The following SNTB2 variants were observed in gnomAD, a reference collection of about 807,000 sequenced individuals.
SNTB2 encodes syntrophin beta 2.
SNTB2 carries 34 observed loss-of-function variants against 46.2 expected under a neutral mutation model. The ratio of observed to expected loss-of-function variants is 0.74; its 90% CI spans 0.56 to 0.98. SNTB2 has a LOEUF of 0.98. Ranked by LOEUF, SNTB2 falls within the 50% of genes least tolerant of loss-of-function variation. The pLI is 0.00. For synonymous variants in SNTB2, 290 were observed against 312.6 expected (o/e 0.93, Z 0.76); for missense variants, 603 against 731.4 (o/e 0.82, Z 2.02).
chr16:69,300,915 G>A lies in SNTB2; in HGVS notation c.1614G>A (p.Leu538=), dbSNP rs372645049. ...FLSAKVTRMG[L]LV Reference sequence around the variant, plus strand: ...CGGCCAAAGTCACTCGTATGGGACTGCTTGTATGAGCAACAAAAAATCAGA... The same window carrying A: ...CGGCCAAAGTCACTCGTATGGGACTACTTGTATGAGCAACAAAAAATCAGA... Residue 538 remains leucine, a synonymous_variant, in exon 7 of 7, where the codon CTG becomes CTA. Coordinates refer to ENST00000336278, the MANE Select transcript of SNTB2 (RefSeq NM_006750.4). 9.4e-6 allele frequency: 15 copies of A among 1,602,546 alleles called. No homozygotes were observed. In the African/African-American group the frequency reaches 1.7e-4, roughly 19 times the overall value.
chr16:69,253,639 ACT>A (rs1371554390), intron 2 of SNTB2, among the ~76,000 whole-genome samples: 1 of 152,254 alleles, frequency 6.6e-6, no homozygotes, highest in East Asian at 1.9e-4. Flanking sequence ...ACAGAGCAAG[ACT>A]CTGTCTCAAA....
intron 4 of SNTB2, among the ~76,000 whole-genome samples, chr16:69,278,045 G>A (rs1385973442): frequency 6.6e-6 from 1 of 152,158 alleles, no homozygotes; most frequent in East Asian, 1.9e-4. Context: ...AGCCAGGCAC[G>A]GCGGCACGCG....
intron 4 of SNTB2, among the ~76,000 whole-genome samples, chr16:69,278,036 G>T (rs1567412965): frequency 6.6e-6 from 1 of 152,302 alleles, no homozygotes; most frequent in East Asian, 1.9e-4. Flanking sequence ...ACAAAAATGA[G>T]CCAGGCACGG....
At chr16:69,296,049 G>A (rs1221826734) in intron 5 of SNTB2, among the ~76,000 whole-genome samples, 1 of 152,170 alleles carries the variant, frequency 6.6e-6, no homozygotes, top group Non-Finnish European at 1.5e-5. Flanking sequence ...GGAGGCCGAG[G>A]CGGGTGGATC....
chr16:69,214,301 T>C (rs1344970895), intron 1 of SNTB2, among the ~76,000 whole-genome samples: 1 of 149,994 alleles, frequency 6.7e-6, no homozygotes, highest in Non-Finnish European at 1.5e-5. Context: ...TGGCTAATTT[T>C]TTTGTATTTT....
intron 1 of SNTB2, 110 bp from the exon 2 acceptor site, chr16:69,245,492 G>T: frequency 8.9e-7 from 1 of 1,124,222 alleles, no homozygotes; most frequent in Non-Finnish European, 1.3e-6. Context: ...ACCGCGCCCA[G>T]CTCTTTCCTC....
intron 1 of SNTB2, among the ~76,000 whole-genome samples, chr16:69,209,091 C>T (rs1964253498): frequency 6.6e-6 from 1 of 152,054 alleles, no homozygotes; most frequent in Non-Finnish European, 1.5e-5. Context: ...CATTCTCCTG[C>T]CTCCTGAGTA....
chr16:69,289,997 G>T (rs1447581988), intron 5 of SNTB2, among the ~76,000 whole-genome samples: 2 of 152,208 alleles, frequency 1.3e-5, no homozygotes, highest in African/African-American at 4.8e-5. Context: ...AATCAGTTAA[G>T]CTGTTCCTTG....
chr16:69,219,067 T>C (rs555385021), intron 1 of SNTB2, among the ~76,000 whole-genome samples: 1 of 152,270 alleles, frequency 6.6e-6, no homozygotes, highest in South Asian at 2.1e-4. Flanking sequence ...TTTAACTTTA[T>C]GGTGAAGATA....
intron 2 of SNTB2, among the ~76,000 whole-genome samples, chr16:69,247,109 A>T (rs1964678264): frequency 6.6e-6 from 1 of 151,298 alleles, no homozygotes; most frequent in African/African-American, 2.4e-5. Flanking sequence ...TAAATTTTTA[A>T]ATATCTCCTT....
intron 5 of SNTB2, among the ~76,000 whole-genome samples, chr16:69,287,010 T>C (rs1048732029): frequency 4.6e-5 from 7 of 152,296 alleles, no homozygotes; most frequent in Middle Eastern, 3.4e-3. Context: ...AGTTTATGGC[T>C]ATGGAAAAAT....
chr16:69,222,470 G>C (rs867061273), intron 1 of SNTB2, among the ~76,000 whole-genome samples: 7 of 151,910 alleles, frequency 4.6e-5, no homozygotes, highest in African/African-American at 1.2e-4. Flanking sequence ...GTGTGTGCCT[G>C]TAATCCCAGC....
chr16:69,235,605 A>G, intron 1 of SNTB2: 1 of 1,090,612 alleles, frequency 9.2e-7, no homozygotes, highest in Non-Finnish European at 1.2e-6. Context: ...AACTAAAAGG[A>G]AGGGAAAGGA....
intron 1 of SNTB2, among the ~76,000 whole-genome samples, chr16:69,238,824 T>C (rs371925228): frequency 6.6e-6 from 1 of 152,216 alleles, no homozygotes; most frequent in East Asian, 1.9e-4. Flanking sequence ...CTCTCATCCC[T>C]GTTAACCTGC....
intron 1 of SNTB2, chr16:69,230,802 T>C (rs1964499398): frequency 6.6e-6 from 1 of 150,924 alleles, no homozygotes; most frequent in Non-Finnish European, 1.5e-5. Context: ...TGGAGTGCAG[T>C]GGCATGATCT....
intron 5 of SNTB2, among the ~76,000 whole-genome samples, chr16:69,287,072 A>G (rs752953415): frequency 2.1e-4 from 32 of 152,250 alleles, no homozygotes; most frequent in Non-Finnish European, 3.8e-4. Context: ...TGTGTGCCCA[A>G]CACTTACTCA....
chr16:69,289,750 C>T (rs746349823), intron 5 of SNTB2, among the ~76,000 whole-genome samples: 5 of 151,902 alleles, frequency 3.3e-5, no homozygotes, highest in African/African-American at 2.4e-5. Context: ...GGCGAAACCC[C>T]GTCTCTACAA....
intron 1 of SNTB2, among the ~76,000 whole-genome samples, chr16:69,242,398 G>A (rs1210851313): frequency 6.6e-6 from 1 of 152,190 alleles, no homozygotes; most frequent in Non-Finnish European, 1.5e-5. Context: ...CCTGCAACCT[G>A]AGGGACAGAG....
intron 1 of SNTB2, among the ~76,000 whole-genome samples, chr16:69,245,231 C>T (rs1194668214): frequency 6.6e-6 from 1 of 152,112 alleles, no homozygotes; most frequent in African/African-American, 2.4e-5. Context: ...CAGAGTCTTG[C>T]TCTGTCGCCC....
Sources: allele counts gnomAD v4.1 joint callset (sites outside exome capture counted in the v4.1 genomes callset), GRCh38; gene constraint gnomAD v4.1.1; transcripts MANE v1.5; gene names NCBI Gene and HGNC (gene_info 2026-07-23, HGNC 2026-07-21).